OTUD7A: variants seen among roughly 807,000 people sequenced by gnomAD.
The protein encoded by OTUD7A is OTU deubiquitinase 7A.
OTUD7A carries 12 observed loss-of-function variants against 65.7 expected under a neutral mutation model. The ratio of observed to expected loss-of-function variants is 0.18; its 90% CI spans 0.12 to 0.30. OTUD7A has a LOEUF of 0.30. Among genes scored for constraint, OTUD7A ranks in the 10% least tolerant of loss-of-function variants. The pLI, the probability that OTUD7A is intolerant of heterozygous loss-of-function variation, is 1.00. For synonymous variants in OTUD7A, 641 were observed against 586.3 expected, an observed-to-expected ratio of 1.09 and a Z score of -1.35; for missense variants, 1,148 against 1,304.8, an observed-to-expected ratio of 0.88 and a Z score of 1.85.
At chr15:31,803,718 G>A (rs149262995) in intron 1 of OTUD7A, among the ~76,000 whole-genome samples, 71 of 152,358 alleles carry the variant, frequency 4.7e-4, no homozygotes, top group African/African-American at 1.7e-3. Context: ...TCGCTGCAGT[G>A]AGTCACATAA....
intron 1 of OTUD7A, among the ~76,000 whole-genome samples, chr15:31,854,480 G>A (rs1897515608): frequency 6.6e-6 from 1 of 152,104 alleles, no homozygotes; most frequent in Non-Finnish European, 1.5e-5. Flanking sequence ...TACAGCTTCT[G>A]AAACCCCCAT....
chr15:31,639,408 G>A (rs532411946), intron 3 of OTUD7A, among the ~76,000 whole-genome samples: 1 of 149,134 alleles, frequency 6.7e-6, no homozygotes, highest in African/African-American at 2.5e-5. Context: ...TTGTTTACCC[G>A]TTTACCTGTG....
At chr15:31,687,749 G>T (rs1192504974) in intron 1 of OTUD7A, among the ~76,000 whole-genome samples, 1 of 152,150 alleles carries the variant, frequency 6.6e-6, no homozygotes, top group Non-Finnish European at 1.5e-5. Context: ...AAACATGAAG[G>T]ACTATGTGAC....
intron 1 of OTUD7A, among the ~76,000 whole-genome samples, chr15:31,666,184 G>A (rs1267879683): frequency 6.6e-6 from 1 of 152,054 alleles, no homozygotes; most frequent in Non-Finnish European, 1.5e-5. Context: ...AATGAATTAG[G>A]GAGGCTTTCT....
chr15:31,515,671 A>G (rs1313054151), intron 8 of OTUD7A, among the ~76,000 whole-genome samples: 1 of 128,310 alleles, frequency 7.8e-6, no homozygotes, highest in Admixed American at 9.7e-5. Flanking sequence ...CCATCTATTG[A>G]TCCACCCATC....
At chr15:31,526,487 G>A (rs373124848) in intron 7 of OTUD7A, 26 bp from the exon 8 acceptor site, 8 of 1,526,504 alleles carry the variant, frequency 5.2e-6, no homozygotes, top group Non-Finnish European at 2.6e-6. Context: ...CGGCTCAGAA[G>A]GGGGGTGGGC....
intron 3 of OTUD7A, among the ~76,000 whole-genome samples, chr15:31,630,657 T>C (rs1377243407): frequency 6.6e-6 from 1 of 152,218 alleles, no homozygotes; most frequent in Non-Finnish European, 1.5e-5. Flanking sequence ...ACTTTCTGTG[T>C]CGTTGATCTG....
At chr15:31,683,946 T>G (rs1223928688) in intron 1 of OTUD7A, among the ~76,000 whole-genome samples, 8 of 152,152 alleles carry the variant, frequency 5.3e-5, no homozygotes, top group Non-Finnish European at 1.0e-4. Flanking sequence ...TTGTCCACAC[T>G]CCCCTGAGGA....
At position 31,498,267 on chromosome 15, in the gene OTUD7A, A is replaced by C. The variant is rs2041416196; in HGVS notation, c.1171+3423T>G. On this transcript the variant is annotated intron_variant, in intron 10 of 12. Coordinates refer to ENST00000307050, the MANE Select transcript of OTUD7A (RefSeq NM_001382637.1). The surrounding 1 kb of genome is among the most constrained non-coding windows in gnomAD (Gnocchi z 4.2). ...ATCTGATTGCTTCATTGAGTTTTGCAGTATGGCTGTGTGAGAATATTTACA... is the reference window on the plus strand; with the variant it reads ...ATCTGATTGCTTCATTGAGTTTTGCCGTATGGCTGTGTGAGAATATTTACA... Among the ~76,000 whole-genome samples, 1 of 152,184 alleles carries C rather than the reference A, an allele frequency of 6.6e-6. No homozygotes were observed. Among genetic ancestry groups the C allele is most frequent in the South Asian group, 2.1e-4 (1 of 4,822 alleles).
At chr15:31,669,155 G>C (rs1430729485) in intron 1 of OTUD7A, among the ~76,000 whole-genome samples, 4 of 152,226 alleles carry the variant, frequency 2.6e-5, no homozygotes, top group African/African-American at 9.7e-5. Flanking sequence ...CACTTTCCAG[G>C]GAGCATCAGC....
intron 1 of OTUD7A, among the ~76,000 whole-genome samples, chr15:31,672,816 C>A (rs961273883): frequency 6.6e-6 from 1 of 152,184 alleles, no homozygotes; most frequent in Non-Finnish European, 1.5e-5. Context: ...AGTTTTCTCC[C>A]AGTATGGAAA....
At chr15:31,491,131 A>T (rs148246278) in intron 10 of OTUD7A, among the ~76,000 whole-genome samples, 45 of 96,068 alleles carry the variant, frequency 4.7e-4, no homozygotes, top group Non-Finnish European at 8.1e-4. Flanking sequence ...AAGGAAAGAT[A>T]AAAAAAAAAA....
In OTUD7A at chr15:31,570,318, T is replaced by C. The variant is rs1049568405; in HGVS notation, c.152-121A>G. ...ACATAAACTAATGAATTTTTACCAG[T>C]AGTTCTTGTTTTTCAAAGGGGAAAA... On this transcript the variant is annotated intron_variant, in intron 3 of 12. Coordinates refer to ENST00000307050, the MANE Select transcript of OTUD7A (RefSeq NM_001382637.1). 1.7e-5 allele frequency: 20 copies of C among 1,178,488 alleles called. No individual in the cohort carries two copies. In the African/African-American group the frequency reaches 2.5e-4, roughly 14 times the overall value. The allele number at this position is 1,178,488 out of a possible 1,614,324, so 73.0% of individuals were successfully genotyped here.
rs186994752 is a variant in OTUD7A at position 31,655,846 on chromosome 15, G to A, written c.-4-596C>T. Among the ~76,000 whole-genome samples the A allele has an allele frequency of 2.9e-3, 441 of 152,252 alleles. 5 individuals carry two copies. The highest frequency in any genetic ancestry group is 3.7e-3 in the Non-Finnish European group (255 of 68,018). ...AAGTATACCTAGAAAAATTCAGTTG[G>A]AGTTGCTAGATTTCTAATCCTCTTC... On this transcript the variant is annotated intron_variant, in intron 2 of 12. Transcript: ENST00000307050.
intron 1 of OTUD7A, among the ~76,000 whole-genome samples, chr15:31,726,807 T>A (rs12902610): frequency 0.075 from 11,354 of 152,282 alleles, 1,021 homozygotes; most frequent in African/African-American, 0.22. Flanking sequence ...CGGTTCTTTT[T>A]GTCAACAGTG....
At chr15:31,642,140 C>T (rs1186051284) in intron 3 of OTUD7A, among the ~76,000 whole-genome samples, 3 of 152,168 alleles carry the variant, frequency 2.0e-5, no homozygotes, top group African/African-American at 7.2e-5. Context: ...GTGGATTTTA[C>T]CAAAAGCTCT....
intron 3 of OTUD7A, among the ~76,000 whole-genome samples, chr15:31,632,167 G>C (rs547445636): frequency 7.9e-5 from 12 of 152,240 alleles, no homozygotes; most frequent in African/African-American, 2.9e-4. Context: ...GAGGTGCTCT[G>C]CTTTTTAGTG....
intron 1 of OTUD7A, among the ~76,000 whole-genome samples, chr15:31,673,490 C>T (rs4779913): frequency 0.17 from 26,606 of 152,094 alleles, 2,604 homozygotes; most frequent in East Asian, 0.25. Flanking sequence ...CCTGAAAATG[C>T]GCAGCAGAGC....
chr15:31,529,420 A>C (rs2141121162), intron 6 of OTUD7A, among the ~76,000 whole-genome samples: 1 of 152,350 alleles, frequency 6.6e-6, no homozygotes, highest in East Asian at 1.9e-4. Flanking sequence ...ATTTCACCTG[A>C]AGAACAGACA....
Sources: gnomAD v4.1 joint callset for allele counts (sites outside exome capture counted in the v4.1 genomes callset) on GRCh38, gnomAD v4.1.1 for gene constraint, Gnocchi (gnomAD v3.1) non-coding constraint, MANE v1.5 for transcripts, NCBI Gene and HGNC (gene_info 2026-07-23, HGNC 2026-07-21) for gene names.